ITPR2: variants seen among roughly 807,000 people sequenced by gnomAD.
ITPR2 encodes inositol 1,4,5-trisphosphate receptor type 2, also known as inositol 1,4,5-trisphosphate-gated calcium channel ITPR2.
In ITPR2, 207 loss-of-function variants were observed where a neutral mutation model predicts 317.1. The observed-to-expected ratio is 0.65, with a 90% CI of 0.58 to 0.73. The LOEUF (loss-of-function observed/expected upper bound fraction) is 0.73. Among genes scored for constraint, ITPR2 ranks in the 30% least tolerant of loss-of-function variants. ITPR2 has a pLI of 0.00. For synonymous variants in ITPR2, 1,156 were observed against 1,149.1 expected (o/e 1.01, Z -0.12); for missense variants, 2,613 against 3,284.0 (o/e 0.80, Z 4.99).
In ITPR2 at chr12:26,573,968, T is replaced by C. The variant is rs143919033; in HGVS notation, c.4630+4745A>G. Among the ~76,000 whole-genome samples the C allele has an allele frequency of 2.5e-3, 376 of 152,286 alleles. 3 individuals are homozygous for C. Among genetic ancestry groups the C allele is most frequent in the African/African-American group, 8.4e-3 (348 of 41,562 alleles). On this transcript the variant is annotated intron_variant, in intron 34 of 56. Transcript: ENST00000381340. ...ATTTAGTAAGGACACTCTTCTGTCATCCATGTCCGATGATGGTAGATTTGG... is the reference window on the plus strand; with the variant it reads ...ATTTAGTAAGGACACTCTTCTGTCACCCATGTCCGATGATGGTAGATTTGG...
intron 2 of ITPR2, among the ~76,000 whole-genome samples, chr12:26,781,294 G>A (rs1950072362): frequency 6.6e-6 from 1 of 152,184 alleles, no homozygotes; most frequent in African/African-American, 2.4e-5. Flanking sequence ...ATGATCAGTT[G>A]CAAAAACGAG....
chr12:26,510,107 C>T (rs1440774293), intron 37 of ITPR2, among the ~76,000 whole-genome samples: 1 of 151,730 alleles, frequency 6.6e-6, no homozygotes, highest in East Asian at 1.9e-4. Context: ...CAAAATGTTG[C>T]TCTCATCATA....
intron 52 of ITPR2, among the ~76,000 whole-genome samples, chr12:26,405,952 C>T (rs987184846): frequency 1.3e-5 from 2 of 152,018 alleles, no homozygotes; most frequent in African/African-American, 4.8e-5. Flanking sequence ...AGCAAGACTC[C>T]ATCACAAAAA....
At chr12:26,770,270 G>A (rs1355901417) in intron 2 of ITPR2, among the ~76,000 whole-genome samples, 2 of 152,184 alleles carry the variant, frequency 1.3e-5, no homozygotes, top group African/African-American at 2.4e-5. Flanking sequence ...TCACAGAACT[G>A]TAGACTGGGG....
At chr12:26,400,689 T>G (rs1343006330) in intron 52 of ITPR2, 2 of 152,364 alleles carry the variant, frequency 1.3e-5, no homozygotes. Context: ...GCACAAAACA[T>G]AAGGCTCACA....
intron 9 of ITPR2, among the ~76,000 whole-genome samples, chr12:26,709,388 C>G (rs1948608255): frequency 6.6e-6 from 1 of 152,182 alleles, no homozygotes; most frequent in African/African-American, 2.4e-5. Context: ...TGAGACGGCA[C>G]CTGGCATTTA....
chr12:26,685,515 T>C (rs1948108941), intron 11 of ITPR2, among the ~76,000 whole-genome samples: 2 of 152,252 alleles, frequency 1.3e-5, no homozygotes, highest in Non-Finnish European at 2.9e-5. Context: ...GAGGATCACC[T>C]GAGTACCAGA....
chr12:26,386,694 T>C (rs1939673941), intron 55 of ITPR2, among the ~76,000 whole-genome samples: 1 of 151,994 alleles, frequency 6.6e-6, no homozygotes, highest in South Asian at 2.1e-4. Flanking sequence ...ATCCAATCTA[T>C]AGCTATATTT....
chr12:26,443,180 T>G lies in ITPR2; in HGVS notation c.6450+363A>C, dbSNP rs76965542. On this transcript the variant is annotated intron_variant, in intron 46 of 56. Coordinates refer to ENST00000381340, the MANE Select transcript of ITPR2 (RefSeq NM_002223.4). The stretch of plus-strand genomic sequence containing the variant: ...CTTGTGAATTGCTGGAGATCTCTAT[T>G]TTAATAAGCTTTCCACAATTTTAAA... 9.7e-3 allele frequency among the ~76,000 whole-genome samples: 1,484 copies of G among 152,316 alleles called. 15 individuals are homozygous for G. The highest frequency in any genetic ancestry group is 0.02 in the African/African-American group (850 of 41,578).
At chr12:26,440,217 A>AAACAAC (rs549040091) in intron 46 of ITPR2, among the ~76,000 whole-genome samples, 5 of 152,052 alleles carry the variant, frequency 3.3e-5, no homozygotes, top group South Asian at 2.1e-4. Flanking sequence ...GAGACACACA[A>AAACAAC]AACAACAACA....
At chr12:26,388,094 G>A (rs1430211798) in intron 54 of ITPR2, among the ~76,000 whole-genome samples, 3 of 152,192 alleles carry the variant, frequency 2.0e-5, no homozygotes, top group East Asian at 1.9e-4. Context: ...CCGTCCACAC[G>A]CTGAGGACAG....
At chr12:26,774,928 C>T (rs1169677832) in intron 2 of ITPR2, among the ~76,000 whole-genome samples, 1 of 152,178 alleles carries the variant, frequency 6.6e-6, no homozygotes, top group East Asian at 1.9e-4. Flanking sequence ...TCCTGTCCTT[C>T]GTAGGAGGTT....
chr12:26,792,662 T>A (rs754954815), intron 1 of ITPR2, among the ~76,000 whole-genome samples: 3 of 152,162 alleles, frequency 2.0e-5, no homozygotes, highest in Non-Finnish European at 4.4e-5. Flanking sequence ...CCTTGGCATC[T>A]ACTAGAATGA....
At chr12:26,588,565 T>A (rs1264214125) in intron 32 of ITPR2, among the ~76,000 whole-genome samples, 1 of 152,200 alleles carries the variant, frequency 6.6e-6, no homozygotes, top group Non-Finnish European at 1.5e-5. Context: ...ATTAAAGAAC[T>A]AGGAAAGTGT....
At chr12:26,734,375 T>C (rs1453276179) in intron 2 of ITPR2, among the ~76,000 whole-genome samples, 1 of 152,192 alleles carries the variant, frequency 6.6e-6, no homozygotes, top group Non-Finnish European at 1.5e-5. Flanking sequence ...CCCAGATTCC[T>C]TGCTGAAATT....
chr12:26,422,360 A>G (rs1344200934), intron 49 of ITPR2, among the ~76,000 whole-genome samples: 2 of 151,756 alleles, frequency 1.3e-5, no homozygotes, highest in Non-Finnish European at 2.9e-5. Context: ...TTAGTTAAAT[A>G]AGTTATTTAA....
chr12:26,806,058 TA>T (rs1487995973), intron 1 of ITPR2, among the ~76,000 whole-genome samples: 1 of 152,082 alleles, frequency 6.6e-6, no homozygotes, highest in African/African-American at 2.4e-5. Flanking sequence ...GCAATCCAGG[TA>T]AGAAAAGTGA....
chr12:26,455,293 A>G (rs1941852834), intron 45 of ITPR2, among the ~76,000 whole-genome samples: 2 of 150,608 alleles, frequency 1.3e-5, no homozygotes, highest in African/African-American at 2.4e-5. Context: ...ACATCAGACT[A>G]AGAAATATGC....
chr12:26,529,907 C>A (rs1565583506), intron 37 of ITPR2, among the ~76,000 whole-genome samples: 1 of 152,184 alleles, frequency 6.6e-6, no homozygotes, highest in Non-Finnish European at 1.5e-5. Flanking sequence ...ATGGACCATG[C>A]CATTTCATTG....
Sources: allele counts gnomAD v4.1 joint callset (sites outside exome capture counted in the v4.1 genomes callset), GRCh38; gene constraint gnomAD v4.1.1; transcripts MANE v1.5; gene names NCBI Gene and HGNC (gene_info 2026-07-23, HGNC 2026-07-21).